NSF: variants seen among roughly 807,000 people sequenced by gnomAD.
NSF encodes the protein N-ethylmaleimide sensitive factor, vesicle fusing ATPase.
NSF carries 14 observed loss-of-function variants against 50.3 expected under a neutral mutation model. That is an observed-to-expected ratio of 0.28 (90% CI 0.18 to 0.44). The LOEUF (loss-of-function observed/expected upper bound fraction) is 0.44, where lower values mean the gene tolerates loss of function less well. NSF is among the 20% of genes least tolerant of loss of function. The probability of loss-of-function intolerance (pLI) is 1.00; values close to 1 mark genes in which losing one functional copy is unlikely to be tolerated. For missense variants in NSF, 218 were observed against 504.3 expected (o/e 0.43, Z 5.44); for synonymous variants, 109 against 175.7 (o/e 0.62, Z 3.00).
intron 1 of NSF, among the ~76,000 whole-genome samples, chr17:46,613,202 T>C (rs1286412176): frequency 3.1e-5 from 1 of 32,662 alleles, no homozygotes; most frequent in Non-Finnish European, 9.2e-5. Context: ...CACTTGAGCC[T>C]GTGAATTTGA....
intron 17 of NSF, among the ~76,000 whole-genome samples, chr17:46,742,547 C>G (rs879603831): frequency 3.3e-5 from 5 of 152,094 alleles, no homozygotes; most frequent in Admixed American, 3.3e-4. Flanking sequence ...GCGATCCAAA[C>G]TGGAGGAGGG....
intron 13 of NSF, among the ~76,000 whole-genome samples, chr17:46,710,222 A>G (rs1048652434): frequency 1.3e-5 from 2 of 152,206 alleles, no homozygotes; most frequent in African/African-American, 4.8e-5. Context: ...TGTTAACCTC[A>G]TGAAAATCCA....
At chr17:46,733,759 CTT>C (rs1266531707) in intron 17 of NSF, among the ~76,000 whole-genome samples, 1 of 152,198 alleles carries the variant, frequency 6.6e-6, no homozygotes, top group African/African-American at 2.4e-5. Flanking sequence ...TCTTTGGAAA[CTT>C]TAAACTTTTA....
chr17:46,679,640 C>A (rs1598674804), intron 9 of NSF, among the ~76,000 whole-genome samples: 3 of 130,258 alleles, frequency 2.3e-5, no homozygotes, highest in African/African-American at 2.9e-5. Flanking sequence ...TGCAGTGAGC[C>A]AAGATCGTGC....
At position 46,709,626 on chromosome 17, in the gene NSF, C is replaced by G. The variant is rs188505626; in HGVS notation, c.1471-1337C>G. 1.6e-3 allele frequency among the ~76,000 whole-genome samples: 239 copies of G among 152,108 alleles called. 2 individuals are homozygous for G. Among genetic ancestry groups the G allele is most frequent in the African/African-American group, 5.4e-3 (223 of 41,466 alleles). On this transcript the variant is annotated intron_variant, in intron 13 of 20. Coordinates refer to ENST00000398238, the MANE Select transcript of NSF (RefSeq NM_006178.4). Reference sequence around the variant, plus strand: ...TCTCCTACCTCAGCCTCCCAAGTAGCTGGGATTACAGGCACACACCACCAC... The same window carrying G: ...TCTCCTACCTCAGCCTCCCAAGTAGGTGGGATTACAGGCACACACCACCAC...
chr17:46,729,000 T>A, intron 17 of NSF, 66 bp downstream of exon 17: 1 of 980,502 alleles, frequency 1.0e-6, no homozygotes, highest in Non-Finnish European at 1.5e-6. Flanking sequence ...CATATAATGA[T>A]ACAATCTTTA....
intron 13 of NSF, among the ~76,000 whole-genome samples, chr17:46,710,593 T>C (rs1207982463): frequency 6.6e-6 from 1 of 152,266 alleles, no homozygotes; most frequent in Non-Finnish European, 1.5e-5. Context: ...TCTATTGCGC[T>C]GTTTCTAAGT....
At position 46,756,630 on chromosome 17, in the gene NSF, A is replaced by G. The variant is rs557257558; in HGVS notation, c.*807A>G. On this transcript the variant is annotated 3_prime_UTR_variant, in exon 21 of 21. Transcript: ENST00000398238. ...TATTAAAGTAATTTACAAACCTCTCAGCACTAATTAGTGTCCAACTCCAAG... is the reference window on the plus strand; with the variant it reads ...TATTAAAGTAATTTACAAACCTCTCGGCACTAATTAGTGTCCAACTCCAAG... 6.5e-6 allele frequency: 1 copy of G among 152,786 alleles called. No individual in the cohort carries two copies. The highest frequency in any genetic ancestry group is 6.5e-5 in the Admixed American group (1 of 15,310). The allele number at this position is 152,786 out of a possible 1,614,324, so 9.5% of individuals were successfully genotyped here. A position where few individuals can be genotyped will look rare whatever the true frequency, so the allele number is the denominator to read the frequency against.
chr17:46,703,823 TC>T (rs2058633021), intron 12 of NSF, among the ~76,000 whole-genome samples: 1 of 146,628 alleles, frequency 6.8e-6, no homozygotes, highest in African/African-American at 2.5e-5. Flanking sequence ...AGACCTCTTT[TC>T]ATCTTGTAAA....
At chr17:46,601,837 T>C (rs576350163) in intron 1 of NSF, among the ~76,000 whole-genome samples, 1 of 151,422 alleles carries the variant, frequency 6.6e-6, no homozygotes, top group East Asian at 1.9e-4. Flanking sequence ...TCTTGGCTCT[T>C]TTCCGTATGA....
intron 15 of NSF, 145 bp from the exon 16 acceptor site, chr17:46,726,404 T>C (rs1184929699): frequency 1.3e-6 from 1 of 745,800 alleles, no homozygotes; most frequent in Non-Finnish European, 2.3e-6. Context: ...GGTGATCCAG[T>C]GTGTCAATTC....
chr17:46,609,111 C>CTT (rs200653521), intron 1 of NSF, among the ~76,000 whole-genome samples: 1,861 of 147,642 alleles, frequency 0.013, 18 homozygotes, highest in African/African-American at 0.047. Flanking sequence ...TAGTGGGTAT[C>CTT]TGTGGTTGAG....
chr17:46,601,750 T>A (rs1730127850), intron 1 of NSF, among the ~76,000 whole-genome samples: 1 of 150,602 alleles, frequency 6.6e-6, no homozygotes, highest in Non-Finnish European at 1.5e-5. Flanking sequence ...AATAACACTG[T>A]TTTAATTGCT....
chr17:46,730,026 G>T (rs900165856), intron 17 of NSF, among the ~76,000 whole-genome samples: 2 of 152,050 alleles, frequency 1.3e-5, no homozygotes, highest in Admixed American at 6.5e-5. Context: ...AGAGGTGAGT[G>T]TATTTTCCCT....
intron 13 of NSF, among the ~76,000 whole-genome samples, chr17:46,708,828 T>A (rs370380602): frequency 0.15 from 13,870 of 95,522 alleles, 824 homozygotes; most frequent in South Asian, 0.35. Flanking sequence ...ATATATTTTT[T>A]TTTTTTTTTT....
At position 46,711,023 on chromosome 17, in the gene NSF, G is replaced by A. The variant is rs769594542; in HGVS notation, c.1531G>A (p.Gly511Ser). ...SYIMNGIIKW[G>S]DPVTRVLDDG... ...CATTATGAACGGTATCATCAAATGG[G>A]GTGACCCAGTTACTCGAGTTCTAGA... Residue 511 changes from glycine (G) to serine (S), a missense_variant, in exon 14 of 21, where the codon GGT becomes AGT. By Grantham distance (56) the Gly-to-Ser change is moderately conservative (BLOSUM62 0). Around this residue, in one of 2 missense-constraint regions of NSF, gnomAD observed 209 missense variants for 320.9 expected, o/e 0.65. Coordinates refer to ENST00000398238, the MANE Select transcript of NSF (RefSeq NM_006178.4). The A allele has an allele frequency of 2.5e-6, 4 of 1,593,026 alleles. No homozygotes were observed. Among genetic ancestry groups the A allele is most frequent in the Non-Finnish European group, 3.4e-6 (4 of 1,173,060 alleles).
intron 8 of NSF, among the ~76,000 whole-genome samples, chr17:46,649,762 AGTAGTAGAG>A (rs1466600681): frequency 7.9e-6 from 1 of 127,044 alleles, no homozygotes; most frequent in Non-Finnish European, 1.6e-5. Flanking sequence ...ACAGCTAGTA[AGTAGTAGAG>A]TCAGATTTGA....
chr17:46,659,750 CAA>C (rs1181526308), intron 8 of NSF, among the ~76,000 whole-genome samples: 4 of 145,626 alleles, frequency 2.7e-5, no homozygotes, highest in Admixed American at 1.4e-4. Flanking sequence ...AAAACTCTAA[CAA>C]GAGGACATTT....
chr17:46,730,339 A>C (rs16941322), intron 17 of NSF, among the ~76,000 whole-genome samples: 5,865 of 152,244 alleles, frequency 0.039, 391 homozygotes, highest in African/African-American at 0.13. Flanking sequence ...AATTTATGCT[A>C]AAAGTCACTT....
Sources: gnomAD v4.1 joint callset for allele counts (sites outside exome capture counted in the v4.1 genomes callset) on GRCh38, gnomAD v4.1.1 for gene constraint, gnomAD v4.1.1 regional missense constraint, MANE v1.5 for transcripts, NCBI Gene and HGNC (gene_info 2026-07-23, HGNC 2026-07-21) for gene names.